The following PITPNB variants were observed in gnomAD, a reference collection of about 807,000 sequenced individuals.
The protein encoded by PITPNB is phosphatidylinositol transfer protein beta isoform.
A neutral mutation model predicts 45.9 loss-of-function variants in PITPNB; 16 were observed. The observed-to-expected ratio is 0.35, with a 90% CI of 0.24 to 0.53. The LOEUF (loss-of-function observed/expected upper bound fraction) is 0.53, where lower values mean the gene tolerates loss of function less well. PITPNB is among the 20% of genes least tolerant of loss of function. The pLI, the probability that PITPNB is intolerant of heterozygous loss-of-function variation, is 0.93. For missense variants in PITPNB, 188 were observed against 330.5 expected (o/e 0.57, Z 3.34); for synonymous variants, 112 against 108.9 (o/e 1.03, Z -0.18).
chr22:27,915,280 A>G (rs1936043966), intron 1 of PITPNB, among the ~76,000 whole-genome samples: 1 of 152,156 alleles, frequency 6.6e-6, no homozygotes, highest in Non-Finnish European at 1.5e-5. Context: ...GAAAATTTTC[A>G]ATAGTTTTCC....
rs1253268343 is a variant in PITPNB at position 27,914,356 on chromosome 22, A to G, written c.21-9T>C. 7 of 1,560,954 alleles carry G rather than the reference A, an allele frequency of 4.5e-6. No individual in the cohort carries two copies. Among genetic ancestry groups the G allele is most frequent in the African/African-American group, 1.4e-5 (1 of 73,458 alleles). On this transcript the variant is annotated splice_polypyrimidine_tract_variant and intron_variant, in intron 1 of 11. Transcript: ENST00000335272. Reference sequence around the variant, plus strand: ...ATGGCAAAACCACACGGCTAAAAAGACAAAAGAAAAAATATATATATTACA... The same window carrying G: ...ATGGCAAAACCACACGGCTAAAAAGGCAAAAGAAAAAATATATATATTACA...
intron 3 of PITPNB, among the ~76,000 whole-genome samples, chr22:27,904,351 G>T (rs539547878): frequency 6.6e-6 from 1 of 152,152 alleles, no homozygotes; most frequent in Non-Finnish European, 1.5e-5. Context: ...TTGAAAACAC[G>T]CTAAGTGAAA....
chr22:27,857,552 C>T (rs376513737), intron 10 of PITPNB, among the ~76,000 whole-genome samples: 2 of 152,182 alleles, frequency 1.3e-5, no homozygotes, highest in Admixed American at 6.5e-5. Flanking sequence ...GTCTGTCAAA[C>T]GCTCACACCT....
intron 7 of PITPNB, chr22:27,894,255 A>C: frequency 4.4e-6 from 1 of 229,166 alleles, no homozygotes; most frequent in South Asian, 1.5e-4. Flanking sequence ...TTTTGTAAAC[A>C]ATGTGTTTTT....
At chr22:27,919,024 C>T in intron 1 of PITPNB, 148 bp downstream of exon 1, 3 of 1,171,162 alleles carry the variant, frequency 2.6e-6, no homozygotes, top group Non-Finnish European at 3.8e-6. Context: ...TGAGGGGCTT[C>T]GAAGGGGCCG....
chr22:27,894,706 T>C, intron 6 of PITPNB, 68 bp from the exon 7 acceptor site: 1 of 880,446 alleles, frequency 1.1e-6, no homozygotes, highest in Middle Eastern at 3.0e-4. Flanking sequence ...ACACATATAA[T>C]CTTTATCTTG....
At chr22:27,903,777 C>CAAAAAAA (rs58453570) in intron 3 of PITPNB, among the ~76,000 whole-genome samples, 2 of 84,260 alleles carry the variant, frequency 2.4e-5, no homozygotes, top group Non-Finnish European at 4.9e-5. Flanking sequence ...CCCTGTCTCC[C>CAAAAAAA]AAAAAAAAAA....
intron 3 of PITPNB, among the ~76,000 whole-genome samples, chr22:27,902,047 G>C (rs1264925959): frequency 6.6e-6 from 1 of 152,012 alleles, no homozygotes; most frequent in Non-Finnish European, 1.5e-5. Flanking sequence ...TATTTCCAGG[G>C]ATGGAGGCAG....
chr22:27,857,666 T>C (rs1197080247), intron 10 of PITPNB, among the ~76,000 whole-genome samples: 1 of 152,156 alleles, frequency 6.6e-6, no homozygotes, highest in East Asian at 1.9e-4. Context: ...CCATGGGGCC[T>C]TACTGCCAAC....
intron 8 of PITPNB, among the ~76,000 whole-genome samples, chr22:27,868,510 G>A (rs1179931309): frequency 6.6e-6 from 1 of 152,154 alleles, no homozygotes; most frequent in African/African-American, 2.4e-5. Context: ...GCAGAAATAT[G>A]GTTTCCCTCC....
At chr22:27,876,847 G>A (rs1934834841) in intron 7 of PITPNB, among the ~76,000 whole-genome samples, 1 of 152,234 alleles carries the variant, frequency 6.6e-6, no homozygotes, top group Non-Finnish European at 1.5e-5. Context: ...GGCTTTGTTA[G>A]TATTCTGTCT....
intron 1 of PITPNB, among the ~76,000 whole-genome samples, chr22:27,914,771 G>A (rs1468157288): frequency 6.6e-6 from 1 of 152,156 alleles, no homozygotes; most frequent in Non-Finnish European, 1.5e-5. Context: ...TACAGAATAC[G>A]TGTCTTGAAT....
intron 2 of PITPNB, among the ~76,000 whole-genome samples, chr22:27,911,459 A>G (rs886066918): frequency 2.0e-5 from 3 of 152,224 alleles, no homozygotes; most frequent in African/African-American, 7.2e-5. Flanking sequence ...AAGCATTTTC[A>G]CCTCTATTAT....
intron 8 of PITPNB, among the ~76,000 whole-genome samples, chr22:27,872,282 T>C (rs1189240716): frequency 6.6e-6 from 1 of 151,782 alleles, no homozygotes; most frequent in Non-Finnish European, 1.5e-5. Flanking sequence ...TTAGTAGAGA[T>C]GGGGTTTCAA....
At chr22:27,859,795 C>T (rs546190459) in intron 9 of PITPNB, among the ~76,000 whole-genome samples, 209 of 152,244 alleles carry the variant, frequency 1.4e-3, no homozygotes, top group African/African-American at 3.7e-3. Context: ...AGGCTGGGCC[C>T]GCTCTCTCCC....
At chr22:27,878,125 T>C (rs989326987) in intron 7 of PITPNB, among the ~76,000 whole-genome samples, 1 of 152,250 alleles carries the variant, frequency 6.6e-6, no homozygotes. Flanking sequence ...TGCATGGGTA[T>C]TGCAGTTCAA....
At chr22:27,865,207 G>C (rs1007534230) in intron 8 of PITPNB, among the ~76,000 whole-genome samples, 5 of 152,058 alleles carry the variant, frequency 3.3e-5, no homozygotes, top group African/African-American at 1.2e-4. Flanking sequence ...TGACTCTAAA[G>C]AAGTTTTTTT....
intron 3 of PITPNB, among the ~76,000 whole-genome samples, chr22:27,906,533 T>C (rs994280815): frequency 2.0e-5 from 3 of 152,218 alleles, no homozygotes. Context: ...GTTCTGGAGT[T>C]GGTCTGTGTT....
intron 8 of PITPNB, among the ~76,000 whole-genome samples, chr22:27,871,510 T>C (rs1934658262): frequency 6.6e-6 from 1 of 152,160 alleles, no homozygotes; most frequent in African/African-American, 2.4e-5. Flanking sequence ...CCAGTGGAGG[T>C]AGCCACCATC....
Sources: gnomAD v4.1 joint callset for allele counts (sites outside exome capture counted in the v4.1 genomes callset) on GRCh38, gnomAD v4.1.1 for gene constraint, MANE v1.5 for transcripts, NCBI Gene and HGNC (gene_info 2026-07-23, HGNC 2026-07-21) for gene names.